Variants in ENTREP2 observed in about 807,000 individuals in gnomAD.
ENTREP2 encodes endosomal transmembrane epsin interactor 2.
chr15:29,467,624 T>C, the ENTREP2 span, among the ~76,000 whole-genome samples: 1 of 152,116 alleles, frequency 6.6e-6, no homozygotes, highest in Admixed American at 6.5e-5. Context: ...AGAGATTCAA[T>C]GCACAGAGAC....
the ENTREP2 span, among the ~76,000 whole-genome samples, chr15:29,299,234 T>C: frequency 5.3e-5 from 8 of 152,336 alleles, no homozygotes; most frequent in African/African-American, 1.7e-4. Flanking sequence ...TACTGGTGTT[T>C]AACAAACTCC....
the ENTREP2 span, among the ~76,000 whole-genome samples, chr15:29,646,517 T>C: frequency 6.6e-6 from 1 of 152,158 alleles, no homozygotes; most frequent in African/African-American, 2.4e-5. Context: ...TTCCTTCTTG[T>C]GGTTGGGCTC....
At chr15:29,665,722 G>T in the ENTREP2 span, among the ~76,000 whole-genome samples, 991 of 152,144 alleles carry the variant, frequency 6.5e-3, 13 homozygotes, top group African/African-American at 0.023. Context: ...CTAACGTAAT[G>T]ATTTTTTTTC....
the ENTREP2 span, among the ~76,000 whole-genome samples, chr15:29,245,125 T>G: frequency 6.6e-6 from 1 of 152,090 alleles, no homozygotes; most frequent in Non-Finnish European, 1.5e-5. Context: ...TACAGTTCAA[T>G]GCAAGTAATA....
the ENTREP2 span, among the ~76,000 whole-genome samples, chr15:29,611,381 A>G: frequency 6.6e-6 from 1 of 152,180 alleles, no homozygotes; most frequent in East Asian, 1.9e-4. Flanking sequence ...ACTCATTAAA[A>G]AAAAAACTCT....
At chr15:29,443,887 A>G in the ENTREP2 span, among the ~76,000 whole-genome samples, 265 of 152,074 alleles carry the variant, frequency 1.7e-3, no homozygotes, top group African/African-American at 6.0e-3. Context: ...GGTGGATCAC[A>G]AGGTCAGGAG....
At chr15:29,380,798 T>C in the ENTREP2 span, among the ~76,000 whole-genome samples, 1 of 151,972 alleles carries the variant, frequency 6.6e-6, no homozygotes, top group Non-Finnish European at 1.5e-5. Flanking sequence ...CATATGCATG[T>C]ATAGTGCATA....
chr15:29,223,391 G>A, the ENTREP2 span, among the ~76,000 whole-genome samples: 2 of 152,108 alleles, frequency 1.3e-5, no homozygotes, highest in Non-Finnish European at 2.9e-5. Flanking sequence ...TGCAAAGAAA[G>A]GTGCCCAGCT....
the ENTREP2 span, among the ~76,000 whole-genome samples, chr15:29,134,471 G>A: frequency 6.6e-6 from 1 of 152,158 alleles, no homozygotes; most frequent in Non-Finnish European, 1.5e-5. Flanking sequence ...AGGATGTGCT[G>A]GGGGCTCACG....
At chr15:29,145,645 ACAAC>A in the ENTREP2 span, among the ~76,000 whole-genome samples, 13 of 149,880 alleles carry the variant, frequency 8.7e-5, no homozygotes, top group East Asian at 2.2e-3. Context: ...AAAAAAAAAA[ACAAC>A]CAACAAACTA....
chr15:29,640,766 ACTGAT>A, the ENTREP2 span, among the ~76,000 whole-genome samples: 5 of 152,260 alleles, frequency 3.3e-5, no homozygotes, highest in Non-Finnish European at 5.9e-5. Context: ...AAAGAATTAT[ACTGAT>A]CTTTCACAAA....
At chr15:29,282,179 C>T in the ENTREP2 span, among the ~76,000 whole-genome samples, 13,231 of 152,144 alleles carry the variant, frequency 0.087, 1,939 homozygotes, top group African/African-American at 0.3. Context: ...AGGGACCCCA[C>T]GGGAGATAAC....
chr15:29,366,521 C>T, the ENTREP2 span, among the ~76,000 whole-genome samples: 1 of 152,112 alleles, frequency 6.6e-6, no homozygotes, highest in African/African-American at 2.4e-5. Context: ...ATGGAAGCAC[C>T]ACCGCAATTA....
the ENTREP2 span, among the ~76,000 whole-genome samples, chr15:29,505,183 T>C: frequency 6.6e-6 from 1 of 152,228 alleles, no homozygotes; most frequent in African/African-American, 2.4e-5. This position sits in a 1 kb window ranked among gnomAD's most constrained non-coding sequence, Gnocchi z 4.3. Context: ...ACAAAGCCAC[T>C]GTAGCCAGAC....
the ENTREP2 span, among the ~76,000 whole-genome samples, chr15:29,553,124 C>T: frequency 6.6e-6 from 1 of 152,090 alleles, no homozygotes; most frequent in Non-Finnish European, 1.5e-5. Flanking sequence ...GGCGAAACCC[C>T]GTCTCTACTA....
the ENTREP2 span, among the ~76,000 whole-genome samples, chr15:29,354,163 C>T: frequency 6.6e-6 from 1 of 152,200 alleles, no homozygotes; most frequent in Non-Finnish European, 1.5e-5. Flanking sequence ...TCTCTCTCCC[C>T]TTGAGCTGGA....
At chr15:29,670,452 G>C in the ENTREP2 span, among the ~76,000 whole-genome samples, 1 of 152,176 alleles carries the variant, frequency 6.6e-6, no homozygotes, top group Non-Finnish European at 1.5e-5. Context: ...TCGAGGACTA[G>C]GTATTTGTGA....
chr15:29,182,140 T>C, the ENTREP2 span, among the ~76,000 whole-genome samples: 1 of 151,988 alleles, frequency 6.6e-6, no homozygotes, highest in Non-Finnish European at 1.5e-5. Context: ...TTTTTTTTTT[T>C]TTGAGATGGA....
chr15:29,217,549 T>C, the ENTREP2 span, among the ~76,000 whole-genome samples: 40 of 152,356 alleles, frequency 2.6e-4, no homozygotes, highest in African/African-American at 9.6e-4. Context: ...ATTCTATTCC[T>C]GAGACTTTCC....
Sources: allele counts gnomAD v4.1 joint callset (sites outside exome capture counted in the v4.1 genomes callset), GRCh38; gene constraint gnomAD v4.1.1; non-coding constraint Gnocchi (gnomAD v3.1); transcripts MANE v1.5; gene names NCBI Gene and HGNC (gene_info 2026-07-23, HGNC 2026-07-21).